Variants in ZFYVE28 observed in about 807,000 individuals in gnomAD.
ZFYVE28 encodes the protein lateral signaling target protein 2 homolog.
A neutral mutation model predicts 82.1 loss-of-function variants in ZFYVE28; 40 were observed. The observed-to-expected ratio is 0.49, with a 90% CI of 0.38 to 0.63. ZFYVE28 has a LOEUF of 0.63. Ranked by LOEUF, ZFYVE28 falls within the 30% of genes least tolerant of loss-of-function variation. The pLI is 0.00. For missense variants in ZFYVE28, 1,321 were observed against 1,242.1 expected, an observed-to-expected ratio of 1.06 and a Z score of -0.96; for synonymous variants, 612 against 546.1, an observed-to-expected ratio of 1.12 and a Z score of -1.68.
At chr4:2,367,947 G>C (rs1428345588) in intron 1 of ZFYVE28, among the ~76,000 whole-genome samples, 2 of 152,136 alleles carry the variant, frequency 1.3e-5, no homozygotes, top group African/African-American at 2.4e-5. Flanking sequence ...GGGCGACTTG[G>C]TGCGTGCCAG....
chr4:2,324,039 T>C (rs900900441), intron 6 of ZFYVE28, among the ~76,000 whole-genome samples: 8 of 152,188 alleles, frequency 5.3e-5, no homozygotes, highest in Non-Finnish European at 1.0e-4. Context: ...TTGCAAAATC[T>C]GAGAACAGGA....
intron 6 of ZFYVE28, among the ~76,000 whole-genome samples, chr4:2,324,310 C>T (rs1193480627): frequency 1.3e-5 from 2 of 152,294 alleles, no homozygotes; most frequent in East Asian, 3.9e-4. Context: ...GTCAGCTGTA[C>T]TCAGAGTCTA....
At chr4:2,301,327 G>A (rs531756769) in intron 8 of ZFYVE28, among the ~76,000 whole-genome samples, 19 of 152,302 alleles carry the variant, frequency 1.2e-4, no homozygotes, top group East Asian at 3.9e-4. Context: ...GCTGCCGCCC[G>A]CTGACCTGAT....
intron 7 of ZFYVE28, among the ~76,000 whole-genome samples, chr4:2,306,137 G>C (rs548919450): frequency 6.6e-6 from 1 of 152,248 alleles, no homozygotes; most frequent in Non-Finnish European, 1.5e-5. Flanking sequence ...GGCTGAGGCC[G>C]GGAAGGCTTC....
chr4:2,304,971 C>A lies in ZFYVE28; in HGVS notation c.1369G>T (p.Asp457Tyr). Residue 457 changes from aspartate to tyrosine, a missense_variant, in exon 8 of 13, where the codon GAC (aspartate) becomes TAC (tyrosine). Around this residue, in one of 2 missense-constraint regions of ZFYVE28, gnomAD observed 978 missense variants for 833.7 expected, o/e 1.17. Coordinates refer to ENST00000290974, the MANE Select transcript of ZFYVE28 (RefSeq NM_020972.3). Reference sequence around the variant, plus strand: ...GCCTCGAGATTGTTGTTGCTCAAGTCCTCCTCCTTTTCCGAGGCGGGCAAG... The same window carrying A: ...GCCTCGAGATTGTTGTTGCTCAAGTACTCCTCCTTTTCCGAGGCGGGCAAG... ...ISLPASEKEE[D>Y]LSNNNLEAEG... The A allele has an allele frequency of 6.2e-7, 1 of 1,612,698 alleles. No individual in the cohort carries two copies.
At position 2,305,102 on chromosome 4, in the gene ZFYVE28, AG is replaced by A. The variant is rs1716349377; in HGVS notation, c.1237del (p.Leu413TrpfsTer46). 1 of 1,602,486 alleles carries A rather than the reference AG, an allele frequency of 6.2e-7. No homozygotes were observed. The highest frequency in any genetic ancestry group is 8.5e-7 in the Non-Finnish European group (1 of 1,173,974). On this transcript the variant is annotated frameshift_variant, in exon 8 of 13. Transcript: ENST00000290974. LOFTEE classifies it high-confidence loss of function. ...GCCAGCTGGGGACTCGGGCCTGGCC[AG>A]GGCTTCTGCCGTCCCCTCCACGTCA... ...MDDVEGTAEALARPESPAGPF... is the reference protein window; with the variant it reads ...MDDVEGTAEAXARPESPAGPF...
rs558953261 is a variant in ZFYVE28, at chr4:2,305,247, C to T, written c.1093G>A (p.Ala365Thr). The change falls in exon 8 of 13, where the codon GCC becomes ACC. Residue 365 changes from alanine (A) to threonine (T), a missense_variant. Coordinates refer to ENST00000290974, the MANE Select transcript of ZFYVE28 (RefSeq NM_020972.3). ...EMSSLLSPPI[A>T]CQSPAHRPGA... ...GGCCTGTGAGCTGGGGACTGGCAGG[C>T]AATGGGCGGTGAAAGCAAAGAGGAC... The T allele has an allele frequency of 8.7e-6, 14 of 1,612,290 alleles. No homozygotes were observed. In the East Asian group the frequency reaches 2.2e-4, roughly 26 times the overall value.
intron 1 of ZFYVE28, among the ~76,000 whole-genome samples, chr4:2,414,974 G>A (rs1002080048): frequency 2.0e-5 from 3 of 152,216 alleles, no homozygotes; most frequent in African/African-American, 4.8e-5. Flanking sequence ...CAAGCTGACA[G>A]GTTTTCCTGC....
chr4:2,271,493 CCCTCCTTTCCAGACTGCCAAGCCGCCTGG>C, intron 11 of ZFYVE28, 79 bp from the exon 12 acceptor site: 1 of 1,507,868 alleles, frequency 6.6e-7, no homozygotes, highest in Non-Finnish European at 9.2e-7. Context: ...CTACCCTGGG[CCCTCCTTTCCAGACTGCCAAGCCGCCTGG>C]CCTCCAGCCA....
At chr4:2,327,289 TATATATATATATATATATATCG>T (rs1290533048) in intron 6 of ZFYVE28, among the ~76,000 whole-genome samples, 5 of 40,070 alleles carry the variant, frequency 1.2e-4, no homozygotes, top group African/African-American at 3.3e-4. Context: ...TATATATATA[TATATATATATATATATATATCG>T]AATAAAGTTG....
At chr4:2,404,877 T>TTTTTG (rs1731682852) in intron 1 of ZFYVE28, among the ~76,000 whole-genome samples, 1 of 149,126 alleles carries the variant, frequency 6.7e-6, no homozygotes, top group African/African-American at 2.5e-5. Context: ...TTTTTTTTTT[T>TTTTTG]GAGAGAGGGT....
rs138744720 is a variant in ZFYVE28, at chr4:2,332,719, C to T, written c.701+2986G>A. On this transcript the variant is annotated intron_variant, in intron 6 of 12. Transcript: ENST00000290974. The surrounding 1 kb of genome is among the most constrained non-coding windows in gnomAD (Gnocchi z 4.7). Reference sequence around the variant, plus strand: ...GGATGACGAGGAACAAGACGGGATCCGCTGGTGGTGCAGGGCTGCAGGGCC... The same window carrying T: ...GGATGACGAGGAACAAGACGGGATCTGCTGGTGGTGCAGGGCTGCAGGGCC... Among the ~76,000 whole-genome samples, 590 of 152,284 alleles carry T rather than the reference C, an allele frequency of 3.9e-3. 2 individuals are homozygous for T. The highest frequency in any genetic ancestry group is 6.7e-3 in the Non-Finnish European group (454 of 68,010).
rs1052524518 is a variant in ZFYVE28, at chr4:2,362,288, G to C, written c.40-8215C>G. 6.6e-6 allele frequency among the ~76,000 whole-genome samples: 1 copy of C among 152,146 alleles called. No individual in the cohort carries two copies. The highest frequency in any genetic ancestry group is 2.4e-5 in the African/African-American group (1 of 41,410). On this transcript the variant is annotated intron_variant, in intron 1 of 12. Transcript: ENST00000290974. This position sits in a 1 kb window ranked among gnomAD's most constrained non-coding sequence, Gnocchi z 5.1. The stretch of plus-strand genomic sequence containing the variant: ...TCTCCAGGGCCAGCTTTCCATTAAA[G>C]CCTGGGACTTCTCGCTCCAGCACCA...
intron 6 of ZFYVE28, among the ~76,000 whole-genome samples, chr4:2,331,246 C>T (rs1720659187): frequency 6.6e-6 from 1 of 151,688 alleles, no homozygotes; most frequent in African/African-American, 2.4e-5. Context: ...TGCAGACGGG[C>T]GAAGCCGCAG....
At chr4:2,294,036 C>T (rs1202311976) in intron 8 of ZFYVE28, among the ~76,000 whole-genome samples, 1 of 149,652 alleles carries the variant, frequency 6.7e-6, no homozygotes, top group Non-Finnish European at 1.5e-5. Flanking sequence ...CAAATTACTA[C>T]ATAGATTCTA....
In ZFYVE28 at chr4:2,402,328, G is replaced by A. The variant is rs549070415; in HGVS notation, c.39+15957C>T. On this transcript the variant is annotated intron_variant, in intron 1 of 12. Coordinates refer to ENST00000290974, the MANE Select transcript of ZFYVE28 (RefSeq NM_020972.3). ...GATCAGTAAGTCGGCCAGGCAAGCCGGCACCGCCCCCGCCATCAGACACCA... is the reference window on the plus strand; with the variant it reads ...GATCAGTAAGTCGGCCAGGCAAGCCAGCACCGCCCCCGCCATCAGACACCA... Among the ~76,000 whole-genome samples the A allele has an allele frequency of 2.0e-4, 30 of 152,246 alleles. No homozygotes were observed. The South Asian group carries it at 5.8e-3, about 29-fold the overall frequency.
chr4:2,338,288 T>C (rs1722179241), intron 4 of ZFYVE28, among the ~76,000 whole-genome samples: 1 of 152,140 alleles, frequency 6.6e-6, no homozygotes, highest in African/African-American at 2.4e-5. Flanking sequence ...TTTCTTTCCT[T>C]CTAAACCACC....
Position 2,290,478 on chromosome 4 carries a change from G to A in ZFYVE28, c.2051+13811C>T, listed in dbSNP as rs544234255. ...GCTACCCTGACACTCCTGTCTGTTG[G>A]CCCTCTCCAGCTTTGTCCTCTCGTG... On this transcript the variant is annotated intron_variant, in intron 8 of 12. Coordinates refer to ENST00000290974, the MANE Select transcript of ZFYVE28 (RefSeq NM_020972.3). Among the ~76,000 whole-genome samples, 16 of 152,288 alleles carry A rather than the reference G, an allele frequency of 1.1e-4. No individual in the cohort carries two copies. In the East Asian group the frequency reaches 3.1e-3, roughly 29 times the overall value.
At position 2,394,326 on chromosome 4, in the gene ZFYVE28, A is replaced by T. The variant is rs905385833; in HGVS notation, c.39+23959T>A. 2.0e-5 allele frequency among the ~76,000 whole-genome samples: 3 copies of T among 152,148 alleles called. No homozygotes were observed. Among genetic ancestry groups the T allele is most frequent in the African/African-American group, 7.2e-5 (3 of 41,416 alleles). ...CACATGGACACCTTTGGGGGCCATCATTCTGCCTGCCGCAGGTGGCACAGC... is the reference window on the plus strand; with the variant it reads ...CACATGGACACCTTTGGGGGCCATCTTTCTGCCTGCCGCAGGTGGCACAGC... On this transcript the variant is annotated intron_variant, in intron 1 of 12. Transcript: ENST00000290974. This position sits in a 1 kb window ranked among gnomAD's most constrained non-coding sequence, Gnocchi z 4.0.
Sources: allele counts gnomAD v4.1 joint callset (sites outside exome capture counted in the v4.1 genomes callset), GRCh38; gene constraint gnomAD v4.1.1; regional missense constraint gnomAD v4.1.1; non-coding constraint Gnocchi (gnomAD v3.1); transcripts MANE v1.5; gene names NCBI Gene and HGNC (gene_info 2026-07-23, HGNC 2026-07-21).